The following SLC37A1 variants were observed in gnomAD, a reference collection of about 807,000 sequenced individuals.
SLC37A1 encodes the protein glucose-6-phosphate exchanger SLC37A1.
Under a neutral mutation model 75.3 loss-of-function variants are expected in SLC37A1, and 49 were observed. The ratio of observed to expected loss-of-function variants is 0.65; its 90% CI spans 0.52 to 0.83. SLC37A1 has a LOEUF of 0.83. Among genes scored for constraint, SLC37A1 ranks in the 40% least tolerant of loss-of-function variants. SLC37A1 has a pLI of 0.00. For synonymous variants in SLC37A1, 268 were observed against 292.1 expected (o/e 0.92, Z 0.84); for missense variants, 566 against 695.0 (o/e 0.81, Z 2.09).
chr21:42,570,157 CGGCGGGCAG>C (rs1569041107), intron 17 of SLC37A1, among the ~76,000 whole-genome samples: 7 of 98,012 alleles, frequency 7.1e-5, no homozygotes, highest in African/African-American at 2.2e-4. Context: ...TTCTGAGAAG[CGGCGGGCAG>C]GGTGGCCATT....
At chr21:42,553,970 G>C in intron 9 of SLC37A1, 92 bp from the exon 10 acceptor site, 1 of 1,039,766 alleles carries the variant, frequency 9.6e-7, no homozygotes, top group Non-Finnish European at 1.4e-6. Flanking sequence ...GCTTTTTTGG[G>C]ACGATAGTAA....
At chr21:42,568,985 TTG>T (rs2056053768) in intron 17 of SLC37A1, among the ~76,000 whole-genome samples, 1 of 152,188 alleles carries the variant, frequency 6.6e-6, no homozygotes, top group Non-Finnish European at 1.5e-5. Context: ...CCCTGAGCCC[TTG>T]TATGGGGAGC....
intron 11 of SLC37A1, among the ~76,000 whole-genome samples, chr21:42,559,919 C>T (rs1468021900): frequency 6.6e-6 from 1 of 151,428 alleles, no homozygotes; most frequent in South Asian, 2.1e-4. Context: ...TGCCACAGCC[C>T]GTGGTCTGAT....
At position 42,539,617 on chromosome 21, in the gene SLC37A1, C is replaced by T. The variant is rs1480425936; in HGVS notation, c.456C>T (p.Ile152=). The T allele has an allele frequency of 9.9e-6, 16 of 1,613,750 alleles. No homozygotes were observed. The highest frequency in any genetic ancestry group is 1.3e-5 in the African/African-American group (1 of 74,910). The change falls in exon 6 of 20, where the codon ATC becomes ATT. Residue 152 remains isoleucine (I), a synonymous_variant. Coordinates refer to ENST00000352133, the MANE Select transcript of SLC37A1 (RefSeq NM_001320537.2). ...ALFGLGYFYN[I]HSFGFYVVTQ... ...TCGGCTTAGGGTATTTCTACAACATCCACAGTTTCGGATTCTACGTGGTAA... is the reference window on the plus strand; with the variant it reads ...TCGGCTTAGGGTATTTCTACAACATTCACAGTTTCGGATTCTACGTGGTAA...
chr21:42,547,072 T>G lies in SLC37A1; in HGVS notation c.731-31T>G. 6.2e-7 allele frequency: 1 copy of G among 1,614,176 alleles called. No homozygotes were observed. The highest frequency in any genetic ancestry group is 8.5e-7 in the Non-Finnish European group (1 of 1,179,990). ...CTTGGCATTGCCATGGTGGTGGACC[T>G]GCTCAGCCTCACTCATGTTTGCTCT... On this transcript the variant is annotated intron_variant, in intron 8 of 19. Coordinates refer to ENST00000352133, the MANE Select transcript of SLC37A1 (RefSeq NM_001320537.2). The surrounding 1 kb of genome is among the most constrained non-coding windows in gnomAD (Gnocchi z 6.1).
intron 8 of SLC37A1, among the ~76,000 whole-genome samples, chr21:42,544,142 G>T (rs2055351435): frequency 6.6e-6 from 1 of 152,202 alleles, no homozygotes; most frequent in South Asian, 2.1e-4. Flanking sequence ...GCAGGCTCTG[G>T]TGCTGAGAAG....
At chr21:42,568,541 A>G in intron 17 of SLC37A1, 103 bp downstream of exon 17, 2 of 1,136,274 alleles carry the variant, frequency 1.8e-6, no homozygotes, top group East Asian at 2.6e-5. Flanking sequence ...CATCTATAAC[A>G]TTGGGTGGGC....
intron 6 of SLC37A1, among the ~76,000 whole-genome samples, chr21:42,540,699 C>T (rs528406867): frequency 3.3e-5 from 5 of 152,322 alleles, no homozygotes; most frequent in Admixed American, 6.5e-5. Context: ...TGATGCTCAT[C>T]TCGGGCTTTG....
In SLC37A1 at chr21:42,563,434, T is replaced by A. The variant is rs192599382; in HGVS notation, c.1073-381T>A. ...AAACCTCATGGAGGGCACCCTGAGCTGGTGCCGGGAGGCCTCTGTGTCCTC... is the reference window on the plus strand; with the variant it reads ...AAACCTCATGGAGGGCACCCTGAGCAGGTGCCGGGAGGCCTCTGTGTCCTC... On this transcript the variant is annotated intron_variant, in intron 12 of 19. Coordinates refer to ENST00000352133, the MANE Select transcript of SLC37A1 (RefSeq NM_001320537.2). 5.3e-4 allele frequency among the ~76,000 whole-genome samples: 80 copies of A among 152,302 alleles called. 1 individual carries two copies. Among genetic ancestry groups the A allele is most frequent in the African/African-American group, 1.7e-3 (70 of 41,572 alleles).
At chr21:42,530,625 C>G (rs866475115) in intron 3 of SLC37A1, among the ~76,000 whole-genome samples, 1 of 106,658 alleles carries the variant, frequency 9.4e-6, no homozygotes, top group African/African-American at 3.3e-5. Flanking sequence ...CACACACACA[C>G]ACACACACAC....
Position 42,580,557 on chromosome 21 carries a change from A to G in SLC37A1, c.*197A>G, listed in dbSNP as rs1314412154. 3.2e-6 allele frequency: 2 copies of G among 620,484 alleles called. No homozygotes were observed. Among genetic ancestry groups the G allele is most frequent in the Non-Finnish European group, 5.5e-6 (2 of 363,012 alleles). The allele number at this position is 620,484 out of a possible 1,614,324, so 38.4% of individuals were successfully genotyped here. ...GGAGACATATTGCTGAACAGCAGTGAGAAAAGTCTGCAGGAACTGCTGCCT... is the reference window on the plus strand; with the variant it reads ...GGAGACATATTGCTGAACAGCAGTGGGAAAAGTCTGCAGGAACTGCTGCCT... On this transcript the variant is annotated 3_prime_UTR_variant, in exon 20 of 20. Transcript: ENST00000352133.
upstream of SLC37A1, among the ~76,000 whole-genome samples, chr21:42,510,705 C>G (rs187190155): frequency 2.0e-5 from 3 of 151,616 alleles, no homozygotes; most frequent in Admixed American, 1.3e-4. Context: ...AAATAGAGAG[C>G]AAAAAAGATA....
Position 42,556,322 on chromosome 21 carries a change from C to T in SLC37A1, c.849+2180C>T, listed in dbSNP as rs2055689916. ...GTGGCTCAAGAACTGTTGGGCCCAC[C>T]AAACGCGGCGTGAGCACGGAGTGGG... On this transcript the variant is annotated intron_variant, in intron 10 of 19. Transcript: ENST00000352133. Among the ~76,000 whole-genome samples, 3 of 152,322 alleles carry T rather than the reference C, an allele frequency of 2.0e-5. No homozygotes were observed. In the South Asian group the frequency reaches 6.2e-4, roughly 32 times the overall value.
At chr21:42,572,677 C>CAAAA (rs552610279) in intron 17 of SLC37A1, among the ~76,000 whole-genome samples, 4 of 80,516 alleles carry the variant, frequency 5.0e-5, no homozygotes, top group African/African-American at 1.6e-4. Flanking sequence ...CACACACACA[C>CAAAA]AAAAAAAAAA....
upstream of SLC37A1, among the ~76,000 whole-genome samples, chr21:42,513,522 C>G (rs2054461978): frequency 6.6e-6 from 1 of 151,982 alleles, no homozygotes; most frequent in South Asian, 2.1e-4. Context: ...GAAGACCTGC[C>G]TTGAGGACAG....
In SLC37A1 at chr21:42,559,066, T is replaced by G. The variant is rs764661908; in HGVS notation, c.958T>G (p.Phe320Val). The G allele has an allele frequency of 8.1e-6, 13 of 1,612,058 alleles. No homozygotes were observed. Among genetic ancestry groups the G allele is most frequent in the Non-Finnish European group, 2.5e-6 (3 of 1,179,326 alleles). ...TGGGAGTGGCACGGCCGCCATCAGC[T>G]TCACAGGGGCCTTGAAAATTCCAGT... ...DGGSGTAAISFTGALKIPGVI... is the reference protein window; with the variant it reads ...DGGSGTAAISVTGALKIPGVI... The change falls in exon 11 of 20, where the codon TTC becomes GTC. Residue 320 changes from phenylalanine to valine, a missense_variant. Phe to Val is a conservative substitution (Grantham distance 50). Transcript: ENST00000352133.
chr21:42,568,288 G>C, intron 16 of SLC37A1, 72 bp from the exon 17 acceptor site: 2 of 1,201,116 alleles, frequency 1.7e-6, no homozygotes, highest in East Asian at 2.4e-5. Context: ...TTGAGTAAAT[G>C]GTCATACAGA....
At chr21:42,575,992 A>AAT (rs1370226460) in intron 18 of SLC37A1, 1 of 976,780 alleles carries the variant, frequency 1.0e-6, no homozygotes, top group Non-Finnish European at 1.2e-6. Flanking sequence ...ACTATCTGGT[A>AAT]ATATATATTG....
chr21:42,566,825 G>T (rs1053818168), intron 15 of SLC37A1, among the ~76,000 whole-genome samples, 160 bp from the exon 16 acceptor site: 1 of 152,178 alleles, frequency 6.6e-6, no homozygotes, highest in Non-Finnish European at 1.5e-5. Flanking sequence ...TCTTAGGGAG[G>T]GTATGATTTG....
Sources: gnomAD v4.1 joint callset for allele counts (sites outside exome capture counted in the v4.1 genomes callset) on GRCh38, gnomAD v4.1.1 for gene constraint, Gnocchi (gnomAD v3.1) non-coding constraint, MANE v1.5 for transcripts, NCBI Gene and HGNC (gene_info 2026-07-23, HGNC 2026-07-21) for gene names.